Variants in PCDHA3 observed in about 807,000 individuals in gnomAD.
PCDHA3 encodes the protein protocadherin alpha 3.
PCDHA3 carries 41 observed loss-of-function variants against 62.2 expected under a neutral mutation model. That is an observed-to-expected ratio of 0.66 (90% CI 0.51 to 0.86). The LOEUF (loss-of-function observed/expected upper bound fraction) is 0.86, where lower values mean the gene tolerates loss of function less well. Ranked by LOEUF, PCDHA3 falls within the 40% of genes least tolerant of loss-of-function variation. PCDHA3 has a pLI of 0.00. For synonymous variants in PCDHA3, 640 were observed against 555.4 expected (o/e 1.15, Z -2.14); for missense variants, 1,304 against 1,241.2 (o/e 1.05, Z -0.76).
intron 1 of PCDHA3, among the ~76,000 whole-genome samples, chr5:140,912,832 TA>T (rs1188685241): frequency 1.3e-5 from 2 of 152,202 alleles, no homozygotes; most frequent in African/African-American, 2.4e-5. Context: ...TGAATTTTAT[TA>T]AATGCTTTTT....
chr5:140,869,562 A>T (rs373044645), intron 1 of PCDHA3: 50 of 1,614,050 alleles, frequency 3.1e-5, no homozygotes, highest in Non-Finnish European at 3.5e-5. Context: ...CGCGTTTTCC[A>T]CTAGAGGGAG....
chr5:141,004,336 G>A (rs1554259546), intron 3 of PCDHA3, among the ~76,000 whole-genome samples: 1 of 152,224 alleles, frequency 6.6e-6, no homozygotes, highest in East Asian at 1.9e-4. Flanking sequence ...AGGCACAGTG[G>A]TCTGTGAGGG....
intron 1 of PCDHA3, chr5:140,851,772 A>G (rs1236960091): frequency 1.0e-6 from 1 of 968,722 alleles, no homozygotes; most frequent in Non-Finnish European, 1.2e-6. Context: ...ACCCTTATGA[A>G]TTTAGATGAG....
chr5:140,946,611 A>AATAT (rs1554217734), intron 1 of PCDHA3, among the ~76,000 whole-genome samples: 1,089 of 86,784 alleles, frequency 0.013, 135 homozygotes, highest in African/African-American at 0.062. Flanking sequence ...GAAAATGTGA[A>AATAT]ATATATATAT....
rs369670852 is a variant in PCDHA3, at chr5:140,928,571, C to G, written c.2395-50378C>G. 1.9e-5 allele frequency: 30 copies of G among 1,614,180 alleles called. 1 individual carries two copies. The African/African-American group carries it at 1.9e-4, about 10-fold the overall frequency. On this transcript the variant is annotated intron_variant, in intron 1 of 3. Transcript: ENST00000522353. ...TATCCGGTTATCTTGTTTCCCTTGC[C>G]CAGAAATGGTTCTGTCCCAGTGGAA...
intron 1 of PCDHA3, among the ~76,000 whole-genome samples, chr5:140,844,268 C>G (rs1440274573): frequency 6.7e-6 from 1 of 149,334 alleles, no homozygotes; most frequent in Non-Finnish European, 1.5e-5. Context: ...TGATAAAATA[C>G]AGAATGATAG....
chr5:140,834,321 A>T (rs1412819527), intron 1 of PCDHA3: 1 of 1,440,210 alleles, frequency 6.9e-7, no homozygotes, highest in Non-Finnish European at 9.4e-7. Context: ...TGAAGGGATA[A>T]AAACATTCCT....
intron 1 of PCDHA3, chr5:140,969,102 T>C: frequency 1.2e-6 from 2 of 1,614,114 alleles, no homozygotes; most frequent in African/African-American, 1.3e-5. Flanking sequence ...CCTCACTTCA[T>C]TGAAGTTCGA....
intron 1 of PCDHA3, chr5:140,854,299 C>A: frequency 2.4e-6 from 1 of 414,144 alleles, no homozygotes; most frequent in Non-Finnish European, 3.2e-6. Context: ...TTATTTTGTG[C>A]GTGGAGATGA....
At chr5:140,855,343 C>A (rs2043435489) in intron 1 of PCDHA3, among the ~76,000 whole-genome samples, 1 of 149,746 alleles carries the variant, frequency 6.7e-6, no homozygotes, top group African/African-American at 2.5e-5. Context: ...ACGATTTTCC[C>A]AAGTCATGTG....
In PCDHA3 at chr5:140,851,034, C is replaced by T. The variant is rs2041932722; in HGVS notation, c.2394+47443C>T. On this transcript the variant is annotated intron_variant, in intron 1 of 3. Coordinates refer to ENST00000522353, the MANE Select transcript of PCDHA3 (RefSeq NM_018906.3). ...TTTTCTGATAAAGTAAACCCCTTAA[C>T]ATTGGAGCCGACTTTGTCTTGACTT... The T allele has an allele frequency of 3.1e-5, 44 of 1,402,710 alleles. 5 individuals are homozygous for T. Among genetic ancestry groups the T allele is most frequent in the Non-Finnish European group, 4.0e-5 (43 of 1,068,930 alleles). 86.9% of individuals were successfully genotyped at this position (1,402,710 alleles called of 1,614,324 possible).
In PCDHA3 at chr5:141,010,797, AC is replaced by A. The variant is rs1329759215; in HGVS notation, c.*864del. Reference sequence around the variant, plus strand: ...AATACTTATGCAAAAGCAAAAGAAAACCCCGACACCTCACCTTTCGCTGTTT... The same window carrying A: ...AATACTTATGCAAAAGCAAAAGAAAACCCGACACCTCACCTTTCGCTGTTT... On this transcript the variant is annotated 3_prime_UTR_variant, in exon 4 of 4. Transcript: ENST00000522353. The A allele has an allele frequency of 6.5e-6, 1 of 153,778 alleles. No homozygotes were observed. The highest frequency in any genetic ancestry group is 2.4e-5 in the African/African-American group (1 of 41,460). 9.5% of individuals were successfully genotyped at this position (153,778 alleles called of 1,614,324 possible).
chr5:140,871,032 C>G (rs1554165004), intron 1 of PCDHA3: 1 of 1,613,304 alleles, frequency 6.2e-7, no homozygotes. Flanking sequence ...ACTCGCCGCG[C>G]CACCGACTTC....
At chr5:140,948,942 TA>T (rs34363674) in intron 1 of PCDHA3, among the ~76,000 whole-genome samples, 1 of 151,394 alleles carries the variant, frequency 6.6e-6, no homozygotes, top group Admixed American at 6.6e-5. Context: ...TCTTCTAATA[TA>T]AAAAAATTAA....
intron 1 of PCDHA3, among the ~76,000 whole-genome samples, chr5:140,953,593 G>T (rs1392522676): frequency 6.6e-6 from 1 of 152,026 alleles, no homozygotes; most frequent in African/African-American, 2.4e-5. Context: ...GCCTCCTTTT[G>T]TTTATTCCCC....
intron 1 of PCDHA3, among the ~76,000 whole-genome samples, chr5:140,941,150 G>A (rs894422349): frequency 1.1e-4 from 17 of 151,436 alleles, no homozygotes; most frequent in Non-Finnish European, 1.8e-4. Context: ...TAGTTTGGAG[G>A]CCCCATAAGA....
At chr5:140,867,729 A>C (rs1274161997) in intron 1 of PCDHA3, 1 of 152,106 alleles carries the variant, frequency 6.6e-6, no homozygotes, top group Non-Finnish European at 1.5e-5. Context: ...AAAGACAAAG[A>C]AAATTCAAGC....
At position 140,853,772 on chromosome 5, in the gene PCDHA3, T is replaced by C. The variant is rs1315934965; in HGVS notation, c.2394+50181T>C. 8 of 988,006 alleles carry C rather than the reference T, an allele frequency of 8.1e-6. No homozygotes were observed. The African/African-American group carries it at 1.4e-4, about 17-fold the overall frequency. 61.2% of individuals were successfully genotyped at this position (988,006 alleles called of 1,614,324 possible). On this transcript the variant is annotated intron_variant, in intron 1 of 3. Coordinates refer to ENST00000522353, the MANE Select transcript of PCDHA3 (RefSeq NM_018906.3). Reference sequence around the variant, plus strand: ...AGGCTCCACCTCAGAAATTCTGAAATGGGTAGTAAGAGCAAATTTTCATTT... The same window carrying C: ...AGGCTCCACCTCAGAAATTCTGAAACGGGTAGTAAGAGCAAATTTTCATTT...
intron 1 of PCDHA3, chr5:140,865,696 A>G (rs1233175579): frequency 2.0e-5 from 3 of 152,192 alleles, no homozygotes; most frequent in African/African-American, 7.2e-5. Flanking sequence ...GACTGTTCCA[A>G]TTTGAAAGAT....
Sources: allele counts gnomAD v4.1 joint callset (sites outside exome capture counted in the v4.1 genomes callset), GRCh38; gene constraint gnomAD v4.1.1; transcripts MANE v1.5; gene names NCBI Gene and HGNC (gene_info 2026-07-23, HGNC 2026-07-21).